Variants in PPRC1 observed in about 807,000 individuals in gnomAD.
PPRC1 encodes the protein PPARG related coactivator 1.
Under a neutral mutation model 132.5 loss-of-function variants are expected in PPRC1, and 23 were observed. The ratio of observed to expected loss-of-function variants is 0.17; its 90% CI spans 0.12 to 0.25. PPRC1 has a LOEUF of 0.25. PPRC1 is among the 10% of genes least tolerant of loss of function. The pLI is 1.00. For synonymous variants in PPRC1, 872 were observed against 833.5 expected, an observed-to-expected ratio of 1.05 and a Z score of -0.80; for missense variants, 2,006 against 2,089.1, an observed-to-expected ratio of 0.96 and a Z score of 0.78.
chr10:102,150,125 A>G lies in PPRC1; in HGVS notation c.*96A>G. 1.2e-6 allele frequency: 1 copy of G among 813,008 alleles called. No homozygotes were observed. The highest frequency in any genetic ancestry group is 1.8e-5 in the South Asian group (1 of 56,750). 50.4% of individuals were successfully genotyped at this position (813,008 alleles called of 1,614,324 possible). On this transcript the variant is annotated 3_prime_UTR_variant, in exon 14 of 14. Coordinates refer to ENST00000278070, the MANE Select transcript of PPRC1 (RefSeq NM_015062.5). ...TCTAGGGGAGAGAGCTGCTAGTGAG[A>G]TGACTGTTTTATAAAGAAATGGAAA...
At chr10:102,142,358 C>G (rs1219033304) in intron 5 of PPRC1, among the ~76,000 whole-genome samples, 1 of 146,748 alleles carries the variant, frequency 6.8e-6, no homozygotes, top group Non-Finnish European at 1.5e-5. Flanking sequence ...ACCTCAGCCT[C>G]CCAAAGTGCT....
intron 1 of PPRC1, 43 bp downstream of exon 1, chr10:102,133,264 G>T: frequency 8.0e-7 from 1 of 1,252,506 alleles, no homozygotes. Context: ...GCAAAGCGGT[G>T]TGTGCCGGGC....
At position 102,145,075 on chromosome 10, in the gene PPRC1, C is replaced by G; in HGVS notation, c.3664C>G (p.Leu1222Val). ...CCTAGACCGGTTACAAGCCCCAGAA[C>G]TGGCCAACGTGGCAGGTGGGTTCAG... ...RPLDRLQAPE[L>V]ANVAGLTPPA... Residue 1222 changes from leucine to valine, a missense_variant, in exon 8 of 14, where the codon CTG becomes GTG. By Grantham distance (32) the Leu-to-Val change is conservative (BLOSUM62 1). Transcript: ENST00000278070. The G allele has an allele frequency of 1.9e-6, 3 of 1,613,854 alleles. No individual in the cohort carries two copies. The highest frequency in any genetic ancestry group is 2.5e-6 in the Non-Finnish European group (3 of 1,179,754).
chr10:102,133,894 C>G (rs1294557032), intron 1 of PPRC1, among the ~76,000 whole-genome samples: 1 of 150,052 alleles, frequency 6.7e-6, no homozygotes, highest in Non-Finnish European at 1.5e-5. Context: ...TTTTTTTTTT[C>G]CCTGCTGCTT....
chr10:102,145,003 T>C lies in PPRC1; in HGVS notation c.3609-17T>C. 4.2e-6 allele frequency: 6 copies of C among 1,440,308 alleles called. No homozygotes were observed. Among genetic ancestry groups the C allele is most frequent in the Admixed American group, 2.6e-5 (1 of 38,482 alleles). The allele number at this position is 1,440,308 out of a possible 1,614,324, so 89.2% of individuals were successfully genotyped here. Reference sequence around the variant, plus strand: ...AGAAGGCAATGAATCAGGCTTTCCCTTTTCCCCCCCCGCCAGCGGCGTTGA... The same window carrying C: ...AGAAGGCAATGAATCAGGCTTTCCCCTTTCCCCCCCCGCCAGCGGCGTTGA... On this transcript the variant is annotated splice_polypyrimidine_tract_variant and intron_variant, in intron 7 of 13. Coordinates refer to ENST00000278070, the MANE Select transcript of PPRC1 (RefSeq NM_015062.5).
rs2068838186 is a variant in PPRC1 at position 102,139,109 on chromosome 10, T to C, written c.601T>C (p.Ser201Pro). Residue 201 changes from serine (S) to proline (P), a missense_variant, in exon 5 of 14, where the codon TCT becomes CCT. Physicochemically the swap from Ser to Pro is moderately conservative, Grantham distance 74. Around this residue, in one of 2 missense-constraint regions of PPRC1, gnomAD observed 1,914 missense variants for 1,917.2 expected, o/e 1.00. Transcript: ENST00000278070. ...CTCTTCTCTCCTGCAGGTTGAAATG[T>C]CTCTTCCAGATCCCTCTTGGGACTT... Reference protein sequence around the residue: ...GSSRGSGVEMSLPDPSWDFSP... With the variant: ...GSSRGSGVEMPLPDPSWDFSP... 1 of 1,607,600 alleles carries C rather than the reference T, an allele frequency of 6.2e-7. No homozygotes were observed.
intron 5 of PPRC1, among the ~76,000 whole-genome samples, chr10:102,142,706 C>T (rs1469234870): frequency 6.6e-6 from 1 of 151,954 alleles, no homozygotes; most frequent in African/African-American, 2.4e-5. Flanking sequence ...AAGCCACCGC[C>T]CTTGGCCTGT....
At position 102,147,199 on chromosome 10, in the gene PPRC1, C is replaced by A. The variant is rs559209615; in HGVS notation, c.4207C>A (p.Arg1403Ser). The change falls in exon 9 of 14, where the codon CGC (arginine) becomes AGC (serine). Residue 1403 changes from arginine to serine, a missense_variant. Physicochemically the swap from Arg to Ser is moderately radical, Grantham distance 110. Transcript: ENST00000278070. ...ACCCTCAGCCAAGCAGCGGTCAATG[C>A]GCTGTTACCGAAAAGCCTGCAGGTC... is the stretch of plus-strand genomic sequence containing the variant. ...PEPSAKQRSM[R>S]CYRKACRSAS... The A allele has an allele frequency of 1.2e-6, 2 of 1,613,774 alleles. No individual in the cohort carries two copies. Among genetic ancestry groups the A allele is most frequent in the South Asian group, 2.2e-5 (2 of 91,082 alleles).
In PPRC1 at chr10:102,139,421, C is replaced by G. The variant is rs756712935; in HGVS notation, c.913C>G (p.Leu305Val). The change falls in exon 5 of 14, where the codon CTG (leucine) becomes GTG (valine). Residue 305 changes from leucine to valine, a missense_variant. Transcript: ENST00000278070. ...PAAGDESISS[L>V]SELVRAMHPY... ...AGCTGGTGATGAGAGCATCTCCTCC[C>G]TGAGTGAGCTGGTGCGGGCCATGCA... 6.2e-7 allele frequency: 1 copy of G among 1,614,230 alleles called. No individual in the cohort carries two copies. Among genetic ancestry groups the G allele is most frequent in the Non-Finnish European group, 8.5e-7 (1 of 1,180,044 alleles).
At chr10:102,136,941 G>A (rs1251137476) in intron 1 of PPRC1, among the ~76,000 whole-genome samples, 3 of 152,214 alleles carry the variant, frequency 2.0e-5, no homozygotes, top group Non-Finnish European at 4.4e-5. Context: ...TCCATCTAGG[G>A]AATCAAGCTT....
At chr10:102,133,328 G>C in intron 1 of PPRC1, 107 bp downstream of exon 1, 1 of 1,030,684 alleles carries the variant, frequency 9.7e-7, no homozygotes, top group South Asian at 5.0e-5. Flanking sequence ...GTCGATGCCG[G>C]GTGGCCGCGG....
At chr10:102,149,421 C>A in intron 13 of PPRC1, 92 bp downstream of exon 13, 1 of 1,381,764 alleles carries the variant, frequency 7.2e-7, no homozygotes, top group Non-Finnish European at 9.5e-7. Flanking sequence ...GGCAGACTTA[C>A]CTTAGTTTGA....
chr10:102,121,817 A>G, the PPRC1 span, among the ~76,000 whole-genome samples: 1 of 152,122 alleles, frequency 6.6e-6, no homozygotes, highest in Non-Finnish European at 1.5e-5. Flanking sequence ...GTGTTGGTTG[A>G]GAAGGCTGTT....
the PPRC1 span, chr10:102,120,168 G>A: frequency 3.3e-6 from 4 of 1,220,502 alleles, no homozygotes; most frequent in Middle Eastern, 2.4e-4. Context: ...CCCTCGCGGG[G>A]ACAGGCCGGG....
chr10:102,148,704 G>C lies in PPRC1; in HGVS notation c.4617+10G>C, dbSNP rs909068097. ...AAAGGAGCGTGCAATAGTGAGTAGA[G>C]GAACAGATCATGGGAGGATGGGGCT... On this transcript the variant is annotated intron_variant, in intron 11 of 13. Transcript: ENST00000278070. The surrounding 1 kb of genome is among the most constrained non-coding windows in gnomAD (Gnocchi z 4.2). 1 of 1,614,168 alleles carries C rather than the reference G, an allele frequency of 6.2e-7. No homozygotes were observed.
intron 5 of PPRC1, among the ~76,000 whole-genome samples, chr10:102,142,563 C>T (rs1009566184): frequency 6.6e-6 from 1 of 150,402 alleles, no homozygotes; most frequent in African/African-American, 2.5e-5. Context: ...GGATTACAGG[C>T]ACTCACACCC....
chr10:102,136,321 G>T (rs140674392), intron 1 of PPRC1, among the ~76,000 whole-genome samples: 3 of 152,138 alleles, frequency 2.0e-5, no homozygotes, highest in Non-Finnish European at 2.9e-5. Flanking sequence ...CGGGGTGTGG[G>T]GGGTGGGGGT....
At chr10:102,120,487 C>T in the PPRC1 span, 1 of 669,002 alleles carries the variant, frequency 1.5e-6, no homozygotes, top group Non-Finnish European at 1.9e-6. Flanking sequence ...GCCGGCTCCC[C>T]AGCCCAAGCC....
rs563811472 is a variant in PPRC1, at chr10:102,138,933, C to G, written c.544C>G (p.Pro182Ala). 1.2e-6 allele frequency: 2 copies of G among 1,614,176 alleles called. No homozygotes were observed. Among genetic ancestry groups the G allele is most frequent in the South Asian group, 2.2e-5 (2 of 91,080 alleles). ...ACCCCCAGAACGTGACCTCATCACC[C>G]CAGTTGACCCACTGGGGCCCAGTAC... ...RTPPERDLIT[P>A]VDPLGPSTGS... Residue 182 changes from proline to alanine, a missense_variant, in exon 4 of 14, where the codon CCA becomes GCA. By Grantham distance (27) the Pro-to-Ala change is conservative (BLOSUM62 -1). Around this residue, in one of 2 missense-constraint regions of PPRC1, gnomAD observed 1,914 missense variants for 1,917.2 expected, o/e 1.00. Transcript: ENST00000278070.
Sources: allele counts gnomAD v4.1 joint callset (sites outside exome capture counted in the v4.1 genomes callset), GRCh38; gene constraint gnomAD v4.1.1; regional missense constraint gnomAD v4.1.1; non-coding constraint Gnocchi (gnomAD v3.1); transcripts MANE v1.5; gene names NCBI Gene and HGNC (gene_info 2026-07-23, HGNC 2026-07-21).